Variants in C12orf42 observed in about 807,000 individuals in gnomAD.
C12orf42 encodes the protein chromosome 12 open reading frame 42.
Under a neutral mutation model 21.6 loss-of-function variants are expected in C12orf42, and 25 were observed. That is an observed-to-expected ratio of 1.16 (90% CI 0.84 to 1.62). C12orf42 has a LOEUF of 1.62. Ranked by LOEUF, C12orf42 falls within the 40% of genes most tolerant of loss-of-function variation. C12orf42 has a pLI of 0.00. For synonymous variants in C12orf42, 174 were observed against 175.0 expected, an observed-to-expected ratio of 0.99 and a Z score of 0.05; for missense variants, 483 against 459.3, an observed-to-expected ratio of 1.05 and a Z score of -0.47.
intron 3 of C12orf42, among the ~76,000 whole-genome samples, chr12:103,393,427 C>A (rs965584078): frequency 2.6e-5 from 4 of 152,276 alleles, no homozygotes; most frequent in East Asian, 1.9e-4. Context: ...ACGTCCATAA[C>A]CCAAACACCT....
At chr12:103,479,044 C>T (rs1399587829) in intron 1 of C12orf42, among the ~76,000 whole-genome samples, 1 of 152,034 alleles carries the variant, frequency 6.6e-6, no homozygotes, top group Non-Finnish European at 1.5e-5. Context: ...AAACATATAG[C>T]TTAGGTCCTC....
Position 103,305,870 on chromosome 12 carries a change from A to G in C12orf42, c.631+104T>C, listed in dbSNP as rs112647633. On this transcript the variant is annotated intron_variant, in intron 5 of 5. Transcript: ENST00000548883. ...CAGTTCTTACAGTACCTTCTAGAAT[A>G]GGACTGGCCATGAAGTCAATATTTT... 4.1e-3 allele frequency: 5,554 copies of G among 1,346,334 alleles called. 216 individuals are homozygous for G. In the African/African-American group the frequency reaches 0.072, roughly 17 times the overall value. 83.4% of individuals were successfully genotyped at this position (1,346,334 alleles called of 1,614,324 possible).
intron 2 of C12orf42, among the ~76,000 whole-genome samples, chr12:103,438,519 G>A (rs935713205): frequency 6.6e-6 from 1 of 151,948 alleles, no homozygotes; most frequent in African/African-American, 2.4e-5. Flanking sequence ...CATTGTCTCA[G>A]CCCAAAATCT....
At chr12:103,400,244 G>A (rs1394397178) in intron 3 of C12orf42, among the ~76,000 whole-genome samples, 1 of 152,136 alleles carries the variant, frequency 6.6e-6, no homozygotes, top group Non-Finnish European at 1.5e-5. Flanking sequence ...GAAAGGAGTG[G>A]CACCCAGGGG....
intron 4 of C12orf42, among the ~76,000 whole-genome samples, chr12:103,294,002 A>T (rs1213870497): frequency 1.3e-5 from 2 of 152,180 alleles, no homozygotes; most frequent in Non-Finnish European, 2.9e-5. Context: ...AGTACAACAC[A>T]TTCAGCACAT....
At chr12:103,132,131 C>T in the C12orf42 span, among the ~76,000 whole-genome samples, 2 of 152,102 alleles carry the variant, frequency 1.3e-5, no homozygotes, top group Non-Finnish European at 2.9e-5. Flanking sequence ...TTCTGAGACA[C>T]ATGACTTCAA....
At chr12:103,051,518 G>A in the C12orf42 span, among the ~76,000 whole-genome samples, 2 of 152,104 alleles carry the variant, frequency 1.3e-5, no homozygotes, top group Admixed American at 1.3e-4. Context: ...ACTCCCTAGG[G>A]CCTAACTATT....
At chr12:103,304,542 G>C (rs570196477) in intron 5 of C12orf42, among the ~76,000 whole-genome samples, 1 of 152,254 alleles carries the variant, frequency 6.6e-6, no homozygotes, top group Admixed American at 6.5e-5. Flanking sequence ...TCAAGTACAT[G>C]GCAAGTGCTC....
At chr12:103,418,648 C>T (rs1034444871) in intron 2 of C12orf42, among the ~76,000 whole-genome samples, 1 of 151,714 alleles carries the variant, frequency 6.6e-6, no homozygotes, top group African/African-American at 2.4e-5. Flanking sequence ...ATTCCTGTAT[C>T]GCCTTGTTGA....
intron 2 of C12orf42, among the ~76,000 whole-genome samples, chr12:103,439,013 C>A (rs1255159401): frequency 1.3e-5 from 2 of 152,122 alleles, no homozygotes; most frequent in African/African-American, 4.8e-5. Context: ...AACTATACTA[C>A]AAGGCTACAG....
At chr12:103,488,648 TC>T (rs1954993173) in intron 1 of C12orf42, among the ~76,000 whole-genome samples, 2 of 152,194 alleles carry the variant, frequency 1.3e-5, no homozygotes, top group South Asian at 2.1e-4. Context: ...CTTTTTTATT[TC>T]TTTTTACTCT....
the C12orf42 span, among the ~76,000 whole-genome samples, chr12:103,523,793 C>T: frequency 6.6e-6 from 1 of 151,426 alleles, no homozygotes; most frequent in African/African-American, 2.4e-5. Flanking sequence ...TTTCAACAAC[C>T]CCATAAAAGA....
chr12:103,336,512 T>C (rs1178764549), intron 4 of C12orf42, among the ~76,000 whole-genome samples: 1 of 152,234 alleles, frequency 6.6e-6, no homozygotes, highest in African/African-American at 2.4e-5. Context: ...AATTCCTATT[T>C]TGCAGCATTT....
the C12orf42 span, among the ~76,000 whole-genome samples, chr12:103,131,671 C>T: frequency 2.6e-5 from 4 of 152,124 alleles, no homozygotes; most frequent in Non-Finnish European, 5.9e-5. Context: ...GAATATTTTT[C>T]CTCAGGGAGT....
At chr12:103,387,709 G>A (rs1173236320) in intron 3 of C12orf42, among the ~76,000 whole-genome samples, 2 of 152,190 alleles carry the variant, frequency 1.3e-5, no homozygotes, top group Admixed American at 1.3e-4. Context: ...TCTAATACTG[G>A]AAACTATCTT....
intron 2 of C12orf42, among the ~76,000 whole-genome samples, chr12:103,450,770 T>C (rs374234813): frequency 1.2e-4 from 18 of 152,120 alleles, no homozygotes; most frequent in Admixed American, 1.3e-4. Flanking sequence ...GATTCCTTTT[T>C]CATCACAGCC....
intron 4 of C12orf42, among the ~76,000 whole-genome samples, chr12:103,360,210 G>T (rs532978565): frequency 1.3e-5 from 2 of 150,908 alleles, no homozygotes; most frequent in South Asian, 4.2e-4. Context: ...AAAAATTAAT[G>T]GTTCCCATTG....
At chr12:103,514,817 C>T in the C12orf42 span, among the ~76,000 whole-genome samples, 28 of 152,228 alleles carry the variant, frequency 1.8e-4, no homozygotes, top group Middle Eastern at 6.8e-3. Flanking sequence ...AAATGAACAA[C>T]AGAATTCCCA....
the C12orf42 span, among the ~76,000 whole-genome samples, chr12:103,201,453 G>A: frequency 6.6e-5 from 10 of 151,982 alleles, no homozygotes; most frequent in Non-Finnish European, 1.5e-4. Flanking sequence ...ATCAAGAAAT[G>A]GTTCATTGTT....
Sources: gnomAD v4.1 joint callset for allele counts (sites outside exome capture counted in the v4.1 genomes callset) on GRCh38, gnomAD v4.1.1 for gene constraint, MANE v1.5 for transcripts, NCBI Gene and HGNC (gene_info 2026-07-23, HGNC 2026-07-21) for gene names.